GDF6: variants seen among roughly 807,000 people sequenced by gnomAD.
The protein encoded by GDF6 is growth/differentiation factor 6.
Under a neutral mutation model 32.4 loss-of-function variants are expected in GDF6, and 3 were observed. The observed-to-expected ratio is 0.09, with a 90% confidence interval of 0.04 to 0.24. The LOEUF (loss-of-function observed/expected upper bound fraction) is 0.24. Ranked by LOEUF, GDF6 falls within the 10% of genes least tolerant of loss-of-function variation. The probability of loss-of-function intolerance (pLI) is 1.00; values close to 1 mark genes in which losing one functional copy is unlikely to be tolerated. For missense variants in GDF6, 589 were observed against 637.9 expected, an observed-to-expected ratio of 0.92 and a Z score of 0.83; for synonymous variants, 296 against 295.3, an observed-to-expected ratio of 1.00 and a Z score of -0.03.
At chr8:96,156,748 A>G (rs1050319824) in intron 1 of GDF6, among the ~76,000 whole-genome samples, 5 of 152,236 alleles carry the variant, frequency 3.3e-5, no homozygotes, top group Non-Finnish European at 4.4e-5. Context: ...AACAGGAGGA[A>G]GCAAAGCACA....
At chr8:96,147,920 T>C (rs1337060877) in intron 1 of GDF6, among the ~76,000 whole-genome samples, 1 of 152,198 alleles carries the variant, frequency 6.6e-6, no homozygotes, top group African/African-American at 2.4e-5. Context: ...CTGGAGTGCA[T>C]TAGGCAGGTG....
Position 96,145,801 on chromosome 8 carries a change from C to CG in GDF6, c.407-278dup, listed in dbSNP as rs1213243185. Among the ~76,000 whole-genome samples the CG allele has an allele frequency of 1.3e-5, 2 of 152,098 alleles. No homozygotes were observed. Among genetic ancestry groups the CG allele is most frequent in the African/African-American group, 2.4e-5 (1 of 41,462 alleles). On this transcript the variant is annotated intron_variant, in intron 1 of 1. Coordinates refer to ENST00000287020, the MANE Select transcript of GDF6 (RefSeq NM_001001557.4). This position sits in a 1 kb window ranked among gnomAD's most constrained non-coding sequence, Gnocchi z 5.6. ...TGGCGAGGCGGCGGCGGCGGCCTAC[C>CG]GGGTTTTCCCCCCAAAAGGCTTCGT... is the stretch of plus-strand genomic sequence containing the variant.
Position 96,142,391 on chromosome 8 carries a change from T to C in GDF6, c.*2172A>G, listed in dbSNP as rs1812387514. 6.6e-6 allele frequency: 1 copy of C among 152,118 alleles called. No homozygotes were observed. Among genetic ancestry groups the C allele is most frequent in the Non-Finnish European group, 1.5e-5 (1 of 68,006 alleles). The allele number at this position is 152,118 out of a possible 1,614,324, so 9.4% of individuals were successfully genotyped here. On this transcript the variant is annotated 3_prime_UTR_variant, in exon 2 of 2. Coordinates refer to ENST00000287020, the MANE Select transcript of GDF6 (RefSeq NM_001001557.4). Reference sequence around the variant, plus strand: ...TCGATTGCATATCATCCAGGAAAGGTGTACTGTAAAAAATGTTTTGATTAT... The same window carrying C: ...TCGATTGCATATCATCCAGGAAAGGCGTACTGTAAAAAATGTTTTGATTAT...
At chr8:96,158,341 A>T (rs74884901) in intron 1 of GDF6, among the ~76,000 whole-genome samples, 8 of 152,268 alleles carry the variant, frequency 5.3e-5, no homozygotes, top group African/African-American at 1.9e-4. Context: ...CTACAGGGCA[A>T]ACCAGGGTAA....
At chr8:96,157,748 G>T (rs1416316528) in intron 1 of GDF6, among the ~76,000 whole-genome samples, 4 of 152,176 alleles carry the variant, frequency 2.6e-5, no homozygotes, top group Non-Finnish European at 5.9e-5. Context: ...TCCATCACGG[G>T]AGACGAGACA....
chr8:96,146,349 T>C (rs2130210569), intron 1 of GDF6, among the ~76,000 whole-genome samples: 1 of 152,150 alleles, frequency 6.6e-6, no homozygotes, highest in South Asian at 2.1e-4. Context: ...CTTTTTTTTT[T>C]TTTTAACTCC....
rs753254454 is a variant in GDF6 at position 96,144,924 on chromosome 8, G to T, written c.1007C>A (p.Thr336Lys). The T allele has an allele frequency of 1.3e-6, 2 of 1,599,990 alleles. No homozygotes were observed. Among genetic ancestry groups the T allele is most frequent in the Non-Finnish European group, 1.7e-6 (2 of 1,173,848 alleles). ...CTTGCCATGGCGACTGGCGAAGGCCGTGCGCCGCCGCCGGCGGCCGGGCGA... is the reference window on the plus strand; with the variant it reads ...CTTGCCATGGCGACTGGCGAAGGCCTTGCGCCGCCGCCGGCGGCCGGGCGA... ...LPSPGRRRRR[T>K]AFASRHGKRH... The change falls in exon 2 of 2, where the codon ACG (threonine) becomes AAG (lysine). Residue 336 changes from threonine to lysine, a missense_variant. Coordinates refer to ENST00000287020, the MANE Select transcript of GDF6 (RefSeq NM_001001557.4). The surrounding 1 kb of genome is among the most constrained non-coding windows in gnomAD (Gnocchi z 5.1).
Position 96,144,244 on chromosome 8 carries a change from TAGAGAGAGAGAGAGAG to T in GDF6, c.*303_*318del, listed in dbSNP as rs71275339. ...ATAAGGAAATCCAAAGCCACAGTAA[TAGAGAGAGAGAGAGAG>T]AGAGAGAGAGAGAGAGAGAGAGAGA... is the stretch of plus-strand genomic sequence containing the variant. On this transcript the variant is annotated 3_prime_UTR_variant, in exon 2 of 2. Coordinates refer to ENST00000287020, the MANE Select transcript of GDF6 (RefSeq NM_001001557.4). This position sits in a 1 kb window ranked among gnomAD's most constrained non-coding sequence, Gnocchi z 5.1. The T allele has an allele frequency of 4.4e-3, 1,035 of 234,954 alleles. 4 individuals carry two copies. Among genetic ancestry groups the T allele is most frequent in the South Asian group, 0.027 (839 of 31,218 alleles). The allele number at this position is 234,954 out of a possible 1,614,324, so 14.6% of individuals were successfully genotyped here.
chr8:96,151,713 A>G (rs1812571682), intron 1 of GDF6, among the ~76,000 whole-genome samples: 1 of 152,270 alleles, frequency 6.6e-6, no homozygotes, highest in Non-Finnish European at 1.5e-5. Flanking sequence ...ATAAGGTGTG[A>G]GAGAAAGACT....
rs143941048 is a variant in GDF6, at chr8:96,160,532, G to A, written c.161C>T (p.Ala54Val). ...RSRKEGKMQR[A>V]PRDSDAGREG... is the part of the protein sequence containing the mutation. ...CCGGCCCGCGTCACTGTCGCGCGGC[G>A]CCCGCTGCATCTTGCCTTCCTTGCG... Residue 54 changes from alanine (A) to valine (V), a missense_variant, in exon 1 of 2, where the codon GCG becomes GTG. Transcript: ENST00000287020. The A allele has an allele frequency of 1.9e-6, 3 of 1,613,428 alleles. No homozygotes were observed. The highest frequency in any genetic ancestry group is 2.7e-5 in the African/African-American group (2 of 75,048).
Position 96,145,147 on chromosome 8 carries a change from T to C in GDF6, c.784A>G (p.Ser262Gly). 2.0e-6 allele frequency: 3 copies of C among 1,507,666 alleles called. No individual in the cohort carries two copies. The highest frequency in any genetic ancestry group is 2.6e-6 in the Non-Finnish European group (3 of 1,136,202). The allele number at this position is 1,507,666 out of a possible 1,614,324, so 93.4% of individuals were successfully genotyped here. A position where few individuals can be genotyped will look rare whatever the true frequency, so the allele number is the denominator to read the frequency against. Residue 262 changes from serine to glycine, a missense_variant, in exon 2 of 2, where the codon AGT becomes GGT. Physicochemically the swap from Ser to Gly is moderately conservative, Grantham distance 56. This residue lies in a region of GDF6 where 436 missense variants were observed against 411.2 expected (regional missense o/e 1.06). Coordinates refer to ENST00000287020, the MANE Select transcript of GDF6 (RefSeq NM_001001557.4). The surrounding 1 kb of genome is among the most constrained non-coding windows in gnomAD (Gnocchi z 5.6). ...PQQPPPPDLR[S>G]LGFGRRVRPP... ...CGCACCCTCCGGCCGAAGCCCAGACTCCGCAGGTCCGGGGGCGGCGGTTGC... is the reference window on the plus strand; with the variant it reads ...CGCACCCTCCGGCCGAAGCCCAGACCCCGCAGGTCCGGGGGCGGCGGTTGC...
At chr8:96,149,828 A>G (rs1812537294) in intron 1 of GDF6, among the ~76,000 whole-genome samples, 1 of 152,114 alleles carries the variant, frequency 6.6e-6, no homozygotes, top group Non-Finnish European at 1.5e-5. Flanking sequence ...CGGAAAGGAA[A>G]AGATGCCCGC....
chr8:96,160,447 C>A lies in GDF6; in HGVS notation c.246G>T (p.Ala82=), dbSNP rs770548453. The change falls in exon 1 of 2, where the codon GCG becomes GCT. Residue 82 remains alanine (A), a synonymous_variant. Transcript: ENST00000287020. ...QDEPRAQQPR[A]QEPPGRGPRV... The stretch of plus-strand genomic sequence containing the variant: ...GCGGACCCCTGCCTGGCGGCTCCTG[C>A]GCCCGGGGCTGCTGAGCCCGGGGTT... The A allele has an allele frequency of 1.2e-5, 20 of 1,613,596 alleles. No individual in the cohort carries two copies. The highest frequency in any genetic ancestry group is 1.5e-5 in the Non-Finnish European group (18 of 1,179,806).
chr8:96,144,735 T>C lies in GDF6; in HGVS notation c.1196A>G (p.Asn399Ser). 6.2e-7 allele frequency: 1 copy of C among 1,614,086 alleles called. No homozygotes were observed. Among genetic ancestry groups the C allele is most frequent in the Non-Finnish European group, 8.5e-7 (1 of 1,179,978 alleles). ...FPLRSHLEPTNHAIIQTLMNS... is the reference protein window; with the variant it reads ...FPLRSHLEPTSHAIIQTLMNS... Reference sequence around the variant, plus strand: ...CATCAGCGTCTGGATGATGGCGTGGTTGGTGGGCTCCAGGTGCGAGCGCAG... The same window carrying C: ...CATCAGCGTCTGGATGATGGCGTGGCTGGTGGGCTCCAGGTGCGAGCGCAG... Residue 399 changes from asparagine (N) to serine (S), a missense_variant, in exon 2 of 2, where the codon AAC becomes AGC. Physicochemically the swap from Asn to Ser is conservative, Grantham distance 46 (BLOSUM62 1). Coordinates refer to ENST00000287020, the MANE Select transcript of GDF6 (RefSeq NM_001001557.4). This position sits in a 1 kb window ranked among gnomAD's most constrained non-coding sequence, Gnocchi z 5.1.
At chr8:96,158,137 G>T (rs1247394531) in intron 1 of GDF6, among the ~76,000 whole-genome samples, 2 of 152,186 alleles carry the variant, frequency 1.3e-5, no homozygotes, top group Non-Finnish European at 2.9e-5. Flanking sequence ...GTCTCCTCCC[G>T]CTGTGGACCG....
intron 1 of GDF6, among the ~76,000 whole-genome samples, chr8:96,151,200 G>A (rs1208965270): frequency 6.6e-6 from 1 of 152,164 alleles, no homozygotes; most frequent in Non-Finnish European, 1.5e-5. Flanking sequence ...ATGTAAGTTC[G>A]GGAAGCAGTC....
At chr8:96,160,235 T>G in intron 1 of GDF6, 52 bp downstream of exon 1, 1 of 1,590,334 alleles carries the variant, frequency 6.3e-7, no homozygotes, top group Non-Finnish European at 8.6e-7. Flanking sequence ...AACAGCTCCC[T>G]GGCTGCCGAG....
intron 1 of GDF6, among the ~76,000 whole-genome samples, chr8:96,152,745 C>A (rs747729143): frequency 1.1e-4 from 17 of 152,178 alleles, no homozygotes; most frequent in Non-Finnish European, 2.4e-4. Flanking sequence ...AATAGCTTGC[C>A]CTGTATTTCT....
intron 1 of GDF6, among the ~76,000 whole-genome samples, chr8:96,151,860 C>G (rs1812573453): frequency 6.6e-6 from 1 of 152,186 alleles, no homozygotes; most frequent in Non-Finnish European, 1.5e-5. Flanking sequence ...CATAATCTCT[C>G]CCAGCCTCAT....
Sources: allele counts gnomAD v4.1 joint callset (sites outside exome capture counted in the v4.1 genomes callset), GRCh38; gene constraint gnomAD v4.1.1; regional missense constraint gnomAD v4.1.1; non-coding constraint Gnocchi (gnomAD v3.1); transcripts MANE v1.5; gene names NCBI Gene and HGNC (gene_info 2026-07-23, HGNC 2026-07-21).